Variants in JAK1 observed in about 807,000 individuals in gnomAD.
JAK1 encodes the protein tyrosine-protein kinase JAK1.
A neutral mutation model predicts 136.6 loss-of-function variants in JAK1; 16 were observed. The observed-to-expected ratio is 0.12, with a 90% CI of 0.08 to 0.18. JAK1 has a LOEUF of 0.18. Among genes scored for constraint, JAK1 ranks in the 10% least tolerant of loss-of-function variants. The pLI is 1.00. For synonymous variants in JAK1, 492 were observed against 519.5 expected (o/e 0.95, Z 0.72); for missense variants, 859 against 1,450.1 (o/e 0.59, Z 6.62).
At chr1:64,874,379 T>A (rs1056020105) in intron 4 of JAK1, among the ~76,000 whole-genome samples, 2 of 152,080 alleles carry the variant, frequency 1.3e-5, no homozygotes, top group African/African-American at 4.8e-5. Context: ...TTTTTTTTTT[T>A]AATTTCAGAA....
At chr1:64,902,586 G>GTGTA (rs1398819152) in intron 1 of JAK1, among the ~76,000 whole-genome samples, 2 of 150,332 alleles carry the variant, frequency 1.3e-5, no homozygotes, top group Admixed American at 1.3e-4. Flanking sequence ...GAGAGAGAGT[G>GTGTA]TGTGTGTGTG....
intron 5 of JAK1, among the ~76,000 whole-genome samples, chr1:64,869,833 G>T (rs1570674344): frequency 6.6e-6 from 1 of 152,298 alleles, no homozygotes; most frequent in East Asian, 1.9e-4. Flanking sequence ...GATCATGCAT[G>T]AATTCCACAA....
intron 2 of JAK1, among the ~76,000 whole-genome samples, chr1:65,002,804 G>T (rs1646771928): frequency 6.6e-6 from 1 of 152,208 alleles, no homozygotes; most frequent in Non-Finnish European, 1.5e-5. Context: ...GCCTGCCGCA[G>T]TTCCCGCTCG....
intron 12 of JAK1, among the ~76,000 whole-genome samples, chr1:64,850,183 G>A (rs763750183): frequency 2.6e-5 from 4 of 152,150 alleles, no homozygotes; most frequent in Non-Finnish European, 5.9e-5. Flanking sequence ...GCTGGGGAGC[G>A]GTGGCAGAAC....
chr1:65,056,732 T>C (rs1647557616), intron 1 of JAK1, among the ~76,000 whole-genome samples: 1 of 151,726 alleles, frequency 6.6e-6, no homozygotes, highest in Non-Finnish European at 1.5e-5. Flanking sequence ...TGAAACCAGT[T>C]TGGGCAACAT....
At chr1:65,034,136 T>C (rs1647049408) in intron 2 of JAK1, among the ~76,000 whole-genome samples, 1 of 152,216 alleles carries the variant, frequency 6.6e-6, no homozygotes, top group Non-Finnish European at 1.5e-5. Flanking sequence ...GAAAGGTAAG[T>C]ACAACGTGGG....
At position 64,844,096 on chromosome 1, in the gene JAK1, C is replaced by T. The variant is rs1456930967; in HGVS notation, c.2371G>A (p.Glu791Lys). 2 of 1,614,180 alleles carry T rather than the reference C, an allele frequency of 1.2e-6. No homozygotes were observed. Among genetic ancestry groups the T allele is most frequent in the Non-Finnish European group, 1.7e-6 (2 of 1,180,030 alleles). Residue 791 changes from glutamate (E) to lysine (K), a missense_variant, in exon 17 of 25, where the codon GAG becomes AAG. By Grantham distance (56) the Glu-to-Lys change is moderately conservative (BLOSUM62 1). This residue lies in a region of JAK1 where 409 missense variants were observed against 753.8 expected (regional missense o/e 0.54). Coordinates refer to ENST00000342505, the MANE Select transcript of JAK1 (RefSeq NM_002227.4). The surrounding 1 kb of genome is among the most constrained non-coding windows in gnomAD (Gnocchi z 5.7). The part of the protein sequence containing the change: ...TTLWEICYNG[E>K]IPLKDKTLIE... ...AGCGTCTTGTCTTTCAAGGGGATCT[C>T]GCCATTGTAGCAGATTTCCCAGAGC...
At chr1:64,940,563 C>T (rs1417719397) in intron 1 of JAK1, among the ~76,000 whole-genome samples, 2 of 152,056 alleles carry the variant, frequency 1.3e-5, no homozygotes, top group Non-Finnish European at 2.9e-5. Flanking sequence ...GTGATCTGCC[C>T]ACCTCGGCCT....
At chr1:64,853,805 C>T (rs558052486) in intron 11 of JAK1, among the ~76,000 whole-genome samples, 4 of 152,296 alleles carry the variant, frequency 2.6e-5, no homozygotes, top group South Asian at 2.1e-4. Context: ...ACGCTGACTC[C>T]GTGCTGGGCA....
intron 20 of JAK1, among the ~76,000 whole-genome samples, chr1:64,839,015 G>C (rs572722795): frequency 1.3e-5 from 2 of 150,702 alleles, no homozygotes; most frequent in Non-Finnish European, 3.0e-5. Flanking sequence ...GCGTGATGGC[G>C]GGCGCCTGTA....
chr1:64,950,820 C>T (rs1646072168), intron 1 of JAK1, among the ~76,000 whole-genome samples: 1 of 152,128 alleles, frequency 6.6e-6, no homozygotes, highest in African/African-American at 2.4e-5. Flanking sequence ...ACCATTTTAT[C>T]GCTCAGTAAC....
intron 2 of JAK1, among the ~76,000 whole-genome samples, chr1:64,989,182 G>A (rs1476567122): frequency 6.7e-6 from 1 of 149,606 alleles, no homozygotes; most frequent in Non-Finnish European, 1.5e-5. Flanking sequence ...AAAATTTGCT[G>A]GGTGTGGTGG....
At chr1:64,985,082 G>T in intron 2 of JAK1, 1 of 924,256 alleles carries the variant, frequency 1.1e-6, no homozygotes, top group Admixed American at 1.7e-5. Context: ...TCCCTCCAAG[G>T]CCTATCATAT....
intron 8 of JAK1, among the ~76,000 whole-genome samples, chr1:64,860,826 C>CTGTGTGTGTGTGTGTGTGTGTGTG (rs72032330): frequency 2.5e-5 from 3 of 120,576 alleles, no homozygotes; most frequent in Non-Finnish European, 3.7e-5. Context: ...TCAGATGACT[C>CTGTGTGTGTGTGTGTGTGTGTGTG]TGTGTGTGTG....
intron 1 of JAK1, among the ~76,000 whole-genome samples, chr1:64,888,718 A>G (rs1168837343): frequency 1.3e-5 from 2 of 152,138 alleles, no homozygotes; most frequent in Non-Finnish European, 2.9e-5. Context: ...CTTCAAACTG[A>G]CCTCCAGTAT....
At chr1:64,965,772 G>T (rs1486810994) in intron 1 of JAK1, among the ~76,000 whole-genome samples, 1 of 152,170 alleles carries the variant, frequency 6.6e-6, no homozygotes, top group Non-Finnish European at 1.5e-5. Flanking sequence ...AGGGGAGGGG[G>T]CGTTTCCCGA....
At position 64,837,990 on chromosome 1, in the gene JAK1, T is replaced by C; in HGVS notation, c.3082A>G (p.Ile1028Val). ...KIGDFGLTKA[I>V]ETDKEYYTVK... ...GTGTAATACTCCTTATCGGTTTCAA[T>C]TGCTTTGGTTAAACCGAAGTCTCCA... The change falls in exon 22 of 25, where the codon ATT becomes GTT. Residue 1028 changes from isoleucine to valine, a missense_variant. By Grantham distance (29) the Ile-to-Val change is conservative (BLOSUM62 3). This residue lies in a region of JAK1 where 44 missense variants were observed against 137.6 expected (regional missense o/e 0.32). Coordinates refer to ENST00000342505, the MANE Select transcript of JAK1 (RefSeq NM_002227.4). 6.2e-7 allele frequency: 1 copy of C among 1,614,214 alleles called. No individual in the cohort carries two copies.
intron 2 of JAK1, among the ~76,000 whole-genome samples, chr1:65,007,069 G>C (rs913897619): frequency 3.3e-5 from 5 of 152,124 alleles, no homozygotes; most frequent in African/African-American, 1.2e-4. Flanking sequence ...GTTTAGCTTG[G>C]GGCTTGGGTG....
chr1:65,060,329 T>C (rs1647734635), intron 1 of JAK1, among the ~76,000 whole-genome samples: 1 of 152,190 alleles, frequency 6.6e-6, no homozygotes, highest in African/African-American at 2.4e-5. Flanking sequence ...CTGTCAGCTT[T>C]GGAAAACTGA....
Sources: gnomAD v4.1 joint callset for allele counts (sites outside exome capture counted in the v4.1 genomes callset) on GRCh38, gnomAD v4.1.1 for gene constraint, gnomAD v4.1.1 regional missense constraint, Gnocchi (gnomAD v3.1) non-coding constraint, MANE v1.5 for transcripts, NCBI Gene and HGNC (gene_info 2026-07-23, HGNC 2026-07-21) for gene names.